The following NDUFB5 variants were observed in gnomAD, a reference collection of about 807,000 sequenced individuals.
The protein encoded by NDUFB5 is NADH dehydrogenase [ubiquinone] 1 beta subcomplex subunit 5, mitochondrial.
NDUFB5 carries 19 observed loss-of-function variants against 19.4 expected under a neutral mutation model. That is an observed-to-expected ratio of 0.98 (90% CI 0.68 to 1.43). The LOEUF is 1.43. Among genes scored for constraint, NDUFB5 ranks in the 40% most tolerant of loss-of-function variants. The pLI is 0.00. For missense variants in NDUFB5, 233 were observed against 236.5 expected (o/e 0.99, Z 0.10); for synonymous variants, 80 against 82.6 (o/e 0.97, Z 0.17).
intron 5 of NDUFB5, among the ~76,000 whole-genome samples, chr3:179,619,215 T>A (rs1191995389): frequency 4.4e-5 from 5 of 112,580 alleles, no homozygotes; most frequent in Admixed American, 9.0e-5. Flanking sequence ...TTTTTTTTTT[T>A]AATTATACTT....
At chr3:179,617,412 A>T (rs1361405654) in intron 4 of NDUFB5, 1 of 157,430 alleles carries the variant, frequency 6.4e-6, no homozygotes, top group Admixed American at 6.5e-5. Context: ...TCCTGGGATT[A>T]AATGTGTGAG....
At chr3:179,615,594 A>G (rs1464984624) in intron 2 of NDUFB5, 1 of 466,968 alleles carries the variant, frequency 2.1e-6, no homozygotes, top group Non-Finnish European at 4.3e-6. Context: ...AAAATGGGAG[A>G]TTGTCTGGAC....
In NDUFB5 at chr3:179,626,820, T is replaced by A. The variant is rs1450790090; in HGVS notation, c.*2780T>A. The A allele has an allele frequency of 1.3e-5, 2 of 152,104 alleles. No homozygotes were observed. The highest frequency in any genetic ancestry group is 1.3e-4 in the Admixed American group (2 of 15,170). 9.4% of individuals were successfully genotyped at this position (152,104 alleles called of 1,614,324 possible). On this transcript the variant is annotated 3_prime_UTR_variant, in exon 6 of 6. Transcript: ENST00000259037. ...TGCTGGGATTACAGGTGTGAGCCAC[T>A]GCGCCCAGCCTGTCCATTTTTTAAT...
Position 179,616,515 on chromosome 3 carries a change from C to T in NDUFB5, c.280+466C>T, listed in dbSNP as rs139005633. Among the ~76,000 whole-genome samples, 291 of 152,170 alleles carry T rather than the reference C, an allele frequency of 1.9e-3. 2 individuals are homozygous for T. The highest frequency in any genetic ancestry group is 6.4e-3 in the African/African-American group (266 of 41,514). On this transcript the variant is annotated intron_variant, in intron 3 of 5. Transcript: ENST00000259037. Reference sequence around the variant, plus strand: ...TGAGATGGCGCCATCGCACTCCAGCCCGGGCAACAGAGTGAGACTCTGTCC... The same window carrying T: ...TGAGATGGCGCCATCGCACTCCAGCTCGGGCAACAGAGTGAGACTCTGTCC...
chr3:179,623,510 C>A (rs572961770), intron 5 of NDUFB5, among the ~76,000 whole-genome samples: 2 of 152,108 alleles, frequency 1.3e-5, no homozygotes, highest in African/African-American at 4.8e-5. Flanking sequence ...CCTGTCTCCA[C>A]TAAAAATACA....
chr3:179,625,712 C>T lies in NDUFB5; in HGVS notation c.*1672C>T, dbSNP rs1439111710. 10 of 152,100 alleles carry T rather than the reference C, an allele frequency of 6.6e-5. No individual in the cohort carries two copies. Among genetic ancestry groups the T allele is most frequent in the Admixed American group, 6.6e-4 (10 of 15,266 alleles). 9.4% of individuals were successfully genotyped at this position (152,100 alleles called of 1,614,324 possible). ...TTCTGAATTTCCTACTCTCCCCTTC[C>T]CTTCCCAGCCTTGTAACCACCTTTC... On this transcript the variant is annotated 3_prime_UTR_variant, in exon 6 of 6. Transcript: ENST00000259037.
intron 5 of NDUFB5, among the ~76,000 whole-genome samples, chr3:179,622,317 GT>G (rs201214626): frequency 4.1e-5 from 6 of 147,910 alleles, no homozygotes; most frequent in African/African-American, 7.4e-5. Context: ...TTTTGTTTTT[GT>G]TTTTTTTTTA....
intron 1 of NDUFB5, among the ~76,000 whole-genome samples, chr3:179,612,456 A>G (rs937768983): frequency 1.3e-5 from 2 of 150,346 alleles, no homozygotes; most frequent in African/African-American, 4.9e-5. Context: ...AGCAGTTCAC[A>G]TTACTAAGTG....
Position 179,625,911 on chromosome 3 carries a change from C to T in NDUFB5, c.*1871C>T, listed in dbSNP as rs1310194335. 6.6e-6 allele frequency: 1 copy of T among 152,208 alleles called. No individual in the cohort carries two copies. Among genetic ancestry groups the T allele is most frequent in the Non-Finnish European group, 1.5e-5 (1 of 68,052 alleles). The allele number at this position is 152,208 out of a possible 1,614,324, so 9.4% of individuals were successfully genotyped here. On this transcript the variant is annotated 3_prime_UTR_variant, in exon 6 of 6. Transcript: ENST00000259037. ...TTCATAATATTGTCCATACATACCA[C>T]ATTTTCTATATCCATTTATCTGTTG...
intron 1 of NDUFB5, among the ~76,000 whole-genome samples, chr3:179,605,633 T>G (rs1439631919): frequency 6.6e-6 from 1 of 151,350 alleles, no homozygotes; most frequent in East Asian, 2.0e-4. Flanking sequence ...TTAAATTTCT[T>G]TTTTAAAAAA....
At chr3:179,613,145 G>A (rs990797247) in intron 1 of NDUFB5, among the ~76,000 whole-genome samples, 1 of 151,910 alleles carries the variant, frequency 6.6e-6, no homozygotes, top group Non-Finnish European at 1.5e-5. Context: ...TCTAAGACTC[G>A]ACAAGTCAGG....
Position 179,615,016 on chromosome 3 carries a change from T to C in NDUFB5, c.170T>C (p.Ile57Thr). ...GACCATGGGAAAAGACTATTTGTCA[T>C]CAGACCTTCTAGATTCTATGACAGG... is the stretch of plus-strand genomic sequence containing the variant. ...SGDHGKRLFV[I>T]RPSRFYDRRF... The change falls in exon 2 of 6, where the codon ATC becomes ACC. Residue 57 changes from isoleucine (I) to threonine (T), a missense_variant. Coordinates refer to ENST00000259037, the MANE Select transcript of NDUFB5 (RefSeq NM_002492.4). The C allele has an allele frequency of 1.2e-6, 2 of 1,609,952 alleles. No homozygotes were observed. The highest frequency in any genetic ancestry group is 1.7e-6 in the Non-Finnish European group (2 of 1,177,248).
intron 5 of NDUFB5, among the ~76,000 whole-genome samples, chr3:179,623,408 C>T (rs1030221746): frequency 1.4e-4 from 21 of 152,222 alleles, no homozygotes; most frequent in Non-Finnish European, 2.6e-4. Flanking sequence ...TGCGGTGGCT[C>T]ACGCCTGTAA....
intron 5 of NDUFB5, among the ~76,000 whole-genome samples, chr3:179,623,601 G>T (rs1719589874): frequency 6.6e-6 from 1 of 152,180 alleles, no homozygotes; most frequent in African/African-American, 2.4e-5. Flanking sequence ...TTGAGCCTGG[G>T]AGGTAGAAGT....
At chr3:179,619,203 T>G (rs1434375022) in intron 5 of NDUFB5, among the ~76,000 whole-genome samples, 26 of 151,494 alleles carry the variant, frequency 1.7e-4, no homozygotes, top group African/African-American at 4.6e-4. Context: ...CCTGTTTTTT[T>G]TTTTTTTTTT....
At position 179,604,884 on chromosome 3, in the gene NDUFB5, T is replaced by C. The variant is rs766181006; in HGVS notation, c.69T>C (p.Leu23=). 6.3e-7 allele frequency: 1 copy of C among 1,596,726 alleles called. No individual in the cohort carries two copies. Among genetic ancestry groups the C allele is most frequent in the South Asian group, 1.1e-5 (1 of 89,008 alleles). Residue 23 remains leucine (L), a synonymous_variant, in exon 1 of 6, where the codon CTT becomes CTC. Coordinates refer to ENST00000259037, the MANE Select transcript of NDUFB5 (RefSeq NM_002492.4). ...TGGCAGCTCTGTCTGGCCGGCCCCT[T>C]GGCACTCGCCTCGGATTTGGGGGCT... ...TAVAALSGRP[L]GTRLGFGGFL...
At position 179,607,065 on chromosome 3, in the gene NDUFB5, T is replaced by C. The variant is rs572923424; in HGVS notation, c.124+2126T>C. On this transcript the variant is annotated intron_variant, in intron 1 of 5. Coordinates refer to ENST00000259037, the MANE Select transcript of NDUFB5 (RefSeq NM_002492.4). Reference sequence around the variant, plus strand: ...CAATCAAATCCAGCTGGAGATAAACTGCAGCAAAATTTCACCCCCAGTTTC... The same window carrying C: ...CAATCAAATCCAGCTGGAGATAAACCGCAGCAAAATTTCACCCCCAGTTTC... 6.6e-5 allele frequency among the ~76,000 whole-genome samples: 10 copies of C among 152,332 alleles called. No individual in the cohort carries two copies. The South Asian group carries it at 2.1e-3, about 32-fold the overall frequency.
chr3:179,616,080 C>T (rs1331829080), intron 3 of NDUFB5, 31 bp downstream of exon 3: 12 of 1,557,500 alleles, frequency 7.7e-6, no homozygotes, highest in East Asian at 2.2e-5. Flanking sequence ...GCCAGCACCA[C>T]CAGATTGGAA....
At chr3:179,616,392 A>G (rs1326284164) in intron 3 of NDUFB5, among the ~76,000 whole-genome samples, 1 of 151,972 alleles carries the variant, frequency 6.6e-6, no homozygotes, top group Non-Finnish European at 1.5e-5. Context: ...AATACAAAAA[A>G]CTAGCTGGGC....
Sources: gnomAD v4.1 joint callset for allele counts (sites outside exome capture counted in the v4.1 genomes callset) on GRCh38, gnomAD v4.1.1 for gene constraint, MANE v1.5 for transcripts, NCBI Gene and HGNC (gene_info 2026-07-23, HGNC 2026-07-21) for gene names.